The following ABTB3 variants were observed in gnomAD, a reference collection of about 807,000 sequenced individuals.
The protein encoded by ABTB3 is ankyrin repeat- and BTB/POZ domain-containing protein 3.
At chr12:107,347,992 C>T in the ABTB3 span, among the ~76,000 whole-genome samples, 8 of 151,798 alleles carry the variant, frequency 5.3e-5, no homozygotes, top group Admixed American at 6.6e-5. Flanking sequence ...GGAGAAGGTA[C>T]AGAAGGCTTC....
At chr12:107,596,120 C>T in the ABTB3 span, among the ~76,000 whole-genome samples, 6 of 152,150 alleles carry the variant, frequency 3.9e-5, no homozygotes, top group African/African-American at 1.4e-4. Flanking sequence ...TAACAGGTGA[C>T]AAGAATGAAT....
At chr12:107,455,837 A>G in the ABTB3 span, among the ~76,000 whole-genome samples, 50 of 152,262 alleles carry the variant, frequency 3.3e-4, 1 homozygote, top group East Asian at 8.9e-3. Context: ...CTCTAATCCT[A>G]TAGCAGGCTA....
At chr12:107,615,929 T>A in the ABTB3 span, among the ~76,000 whole-genome samples, 1 of 152,152 alleles carries the variant, frequency 6.6e-6, no homozygotes, top group African/African-American at 2.4e-5. Flanking sequence ...ACTCACCTCC[T>A]TTTGTGTGGT....
chr12:107,480,694 G>T, the ABTB3 span, among the ~76,000 whole-genome samples: 1 of 152,138 alleles, frequency 6.6e-6, no homozygotes, highest in African/African-American at 2.4e-5. Context: ...GACATTGTAT[G>T]CAGAACGATG....
chr12:107,586,601 A>G, the ABTB3 span, among the ~76,000 whole-genome samples: 2 of 152,184 alleles, frequency 1.3e-5, no homozygotes, highest in East Asian at 3.9e-4. Flanking sequence ...ATGTCAATGC[A>G]TTAGCGCCTC....
At chr12:107,354,764 T>C in the ABTB3 span, among the ~76,000 whole-genome samples, 286 of 152,290 alleles carry the variant, frequency 1.9e-3, no homozygotes, top group African/African-American at 6.5e-3. Flanking sequence ...GAACACTTGT[T>C]ATTATCTGTA....
At chr12:107,591,638 CAGGG>C in the ABTB3 span, among the ~76,000 whole-genome samples, 34 of 152,136 alleles carry the variant, frequency 2.2e-4, no homozygotes, top group African/African-American at 8.2e-4. Flanking sequence ...CCACATCAGG[CAGGG>C]ACACTGTTAC....
the ABTB3 span, among the ~76,000 whole-genome samples, chr12:107,483,231 T>C: frequency 6.6e-6 from 1 of 152,048 alleles, no homozygotes; most frequent in Non-Finnish European, 1.5e-5. Context: ...TTTGGAGAGA[T>C]GGGATTTTGC....
chr12:107,360,193 GT>G, the ABTB3 span, among the ~76,000 whole-genome samples: 2 of 152,196 alleles, frequency 1.3e-5, no homozygotes, highest in Admixed American at 1.3e-4. Flanking sequence ...GGGAATGAAG[GT>G]AATGAAAGGC....
the ABTB3 span, among the ~76,000 whole-genome samples, chr12:107,623,119 G>GGGCC: frequency 1.3e-5 from 2 of 148,788 alleles, no homozygotes; most frequent in Admixed American, 1.3e-4. Flanking sequence ...GGAGTGCAAT[G>GGGCC]GTGCAATCTC....
the ABTB3 span, among the ~76,000 whole-genome samples, chr12:107,417,370 A>C: frequency 2.0e-5 from 3 of 152,124 alleles, no homozygotes; most frequent in African/African-American, 7.2e-5. Flanking sequence ...TTACGGCCTC[A>C]TCACCCCAGT....
chr12:107,438,980 G>A, the ABTB3 span, among the ~76,000 whole-genome samples: 1 of 152,114 alleles, frequency 6.6e-6, no homozygotes, highest in Admixed American at 6.5e-5. Context: ...TTAGCAAATG[G>A]TAATGTGTTC....
At chr12:107,624,981 C>A in the ABTB3 span, among the ~76,000 whole-genome samples, 1 of 152,232 alleles carries the variant, frequency 6.6e-6, no homozygotes, top group South Asian at 2.1e-4. Flanking sequence ...TGCTCCATAC[C>A]CTCACTGTTT....
chr12:107,395,722 A>G, the ABTB3 span, among the ~76,000 whole-genome samples: 93,975 of 152,086 alleles, frequency 0.62, 29,221 homozygotes, highest in South Asian at 0.71. Flanking sequence ...AGTGGGGGCC[A>G]GCTCTGGTCA....
chr12:107,648,147 G>A, the ABTB3 span, among the ~76,000 whole-genome samples: 4 of 152,092 alleles, frequency 2.6e-5, no homozygotes, highest in Non-Finnish European at 5.9e-5. Flanking sequence ...TTGGGAGGCC[G>A]AGGTGGACAG....
At chr12:107,414,716 C>CTTTTTTTTTTTTT in the ABTB3 span, among the ~76,000 whole-genome samples, 2 of 144,726 alleles carry the variant, frequency 1.4e-5, no homozygotes, top group Non-Finnish European at 1.5e-5. Context: ...CTTTTCTTTT[C>CTTTTTTTTTTTTT]TTTTTCTTTT....
chr12:107,595,432 T>C, the ABTB3 span, among the ~76,000 whole-genome samples: 1 of 152,288 alleles, frequency 6.6e-6, no homozygotes, highest in Admixed American at 6.5e-5. Flanking sequence ...CCTTGCTGGC[T>C]GCAATGGGGG....
the ABTB3 span, among the ~76,000 whole-genome samples, chr12:107,334,513 G>C: frequency 6.6e-6 from 1 of 152,166 alleles, no homozygotes; most frequent in Non-Finnish European, 1.5e-5. Flanking sequence ...CAGGTTTGGA[G>C]ATGGCAGGAA....
the ABTB3 span, among the ~76,000 whole-genome samples, chr12:107,355,176 A>C: frequency 6.6e-6 from 1 of 152,234 alleles, no homozygotes; most frequent in African/African-American, 2.4e-5. Flanking sequence ...CGCCAGCCTC[A>C]CAGGAGACTC....
Sources: allele counts gnomAD v4.1 joint callset (sites outside exome capture counted in the v4.1 genomes callset), GRCh38; gene constraint gnomAD v4.1.1; transcripts MANE v1.5; gene names NCBI Gene and HGNC (gene_info 2026-07-23, HGNC 2026-07-21).